COL5A2: variants seen among roughly 807,000 people sequenced by gnomAD.
COL5A2 encodes collagen type V alpha 2 chain, also known as collagen alpha-2(V) chain.
COL5A2 carries 23 observed loss-of-function variants against 208.2 expected under a neutral mutation model. The ratio of observed to expected loss-of-function variants is 0.11; its 90% CI spans 0.08 to 0.16. The LOEUF (loss-of-function observed/expected upper bound fraction) is 0.16. COL5A2 is among the 10% of genes least tolerant of loss of function. COL5A2 has a pLI of 1.00. For synonymous variants in COL5A2, 625 were observed against 628.5 expected (o/e 0.99, Z 0.08); for missense variants, 1,590 against 1,956.4 (o/e 0.81, Z 3.53).
intron 53 of COL5A2, 121 bp from the exon 54 acceptor site, chr2:189,034,337 A>G: frequency 2.9e-6 from 3 of 1,021,998 alleles, no homozygotes; most frequent in Non-Finnish European, 4.4e-6. Flanking sequence ...ACTACTTAAA[A>G]AAAAGGAATG....
Position 189,032,493 on chromosome 2 carries a change from A to G in COL5A2, c.*1577T>C, listed in dbSNP as rs1467124640. ...AAATAGATCTAATATGGTCAAAGGA[A>G]TTTCACAAAACAAAAACCACTGACA... is the stretch of plus-strand genomic sequence containing the variant. On this transcript the variant is annotated 3_prime_UTR_variant, in exon 54 of 54. Transcript: ENST00000374866. 1.3e-5 allele frequency: 2 copies of G among 152,174 alleles called. No individual in the cohort carries two copies. The highest frequency in any genetic ancestry group is 4.8e-5 in the African/African-American group (2 of 41,444). 9.4% of individuals were successfully genotyped at this position (152,174 alleles called of 1,614,324 possible). A position where few individuals can be genotyped will look rare whatever the true frequency, so the allele number is the denominator to read the frequency against.
the COL5A2 span, among the ~76,000 whole-genome samples, chr2:189,245,581 T>C: frequency 6.7e-6 from 1 of 149,784 alleles, no homozygotes; most frequent in African/African-American, 2.5e-5. Flanking sequence ...GCCTCCCGGG[T>C]TCACGCCATT....
At chr2:189,092,897 G>C (rs1249076703) in intron 6 of COL5A2, among the ~76,000 whole-genome samples, 3 of 152,086 alleles carry the variant, frequency 2.0e-5, no homozygotes, top group Admixed American at 6.5e-5. Context: ...AGTTTGTAGA[G>C]ATTTTCTGTC....
the COL5A2 span, among the ~76,000 whole-genome samples, chr2:189,349,696 T>A: frequency 1.3e-5 from 2 of 152,170 alleles, no homozygotes; most frequent in African/African-American, 4.8e-5. Flanking sequence ...GTTGTTTAGG[T>A]CCAGGTAAAG....
At chr2:189,366,741 G>A in the COL5A2 span, among the ~76,000 whole-genome samples, 1 of 152,276 alleles carries the variant, frequency 6.6e-6, no homozygotes, top group African/African-American at 2.4e-5. Context: ...ACTGAAGAAG[G>A]GCCTCTTCCT....
At chr2:189,371,651 G>A in the COL5A2 span, among the ~76,000 whole-genome samples, 1 of 152,180 alleles carries the variant, frequency 6.6e-6, no homozygotes, top group African/African-American at 2.4e-5. Context: ...TGATGACTTG[G>A]GGTATCTGGC....
At chr2:189,384,507 T>C in the COL5A2 span, among the ~76,000 whole-genome samples, 14 of 152,140 alleles carry the variant, frequency 9.2e-5, no homozygotes, top group African/African-American at 3.4e-4. Context: ...TGATGATTAG[T>C]GATGATGAGC....
rs370759932 is a variant in COL5A2 at position 189,203,328 on chromosome 2, A to G, written c.-42+21820T>C. 3.9e-4 allele frequency among the ~76,000 whole-genome samples: 60 copies of G among 152,336 alleles called. 1 individual carries two copies. The highest frequency in any genetic ancestry group is 1.2e-3 in the African/African-American group (49 of 41,586). The stretch of plus-strand genomic sequence containing the variant: ...TAATCAACACACCCATCCCATAAAT[A>G]CAGGAGAAACTCTAGTGGAGTGGTA... On this transcript the variant is annotated intron_variant, in intron 1 of 10. Transcript: ENST00000649966.
At chr2:189,325,196 T>A in the COL5A2 span, among the ~76,000 whole-genome samples, 1 of 151,918 alleles carries the variant, frequency 6.6e-6, no homozygotes, top group East Asian at 1.9e-4. Context: ...GGGATAGCAT[T>A]AGGAGATATA....
At chr2:189,221,150 C>T (rs1689343831) in intron 1 of COL5A2, among the ~76,000 whole-genome samples, 1 of 152,160 alleles carries the variant, frequency 6.6e-6, no homozygotes, top group African/African-American at 2.4e-5. Context: ...AGCTGTTATA[C>T]TGGATCTCAA....
the COL5A2 span, among the ~76,000 whole-genome samples, chr2:189,381,262 A>G: frequency 1.3e-5 from 2 of 152,076 alleles, no homozygotes; most frequent in African/African-American, 4.8e-5. Flanking sequence ...GCTTTTAGGA[A>G]GACTATCTCT....
chr2:189,087,467 T>A (rs1311326411), intron 8 of COL5A2, among the ~76,000 whole-genome samples: 1 of 151,926 alleles, frequency 6.6e-6, no homozygotes, highest in Non-Finnish European at 1.5e-5. Flanking sequence ...AATTTATTCT[T>A]TTTGGATTTT....
chr2:189,080,958 T>A (rs1686520399), intron 13 of COL5A2, 32 bp downstream of exon 13: 1 of 1,578,262 alleles, frequency 6.3e-7, no homozygotes, highest in African/African-American at 1.3e-5. Context: ...TAAACCACAG[T>A]ATCTGAGAGG....
chr2:189,378,586 T>C, the COL5A2 span, among the ~76,000 whole-genome samples: 3 of 152,012 alleles, frequency 2.0e-5, no homozygotes, highest in Non-Finnish European at 1.5e-5. Context: ...TAGCCGGGCA[T>C]GGTGGTGGGT....
At position 189,068,237 on chromosome 2, in the gene COL5A2, T is replaced by C; in HGVS notation, c.1291A>G (p.Lys431Glu). The C allele has an allele frequency of 1.9e-6, 3 of 1,613,980 alleles. No homozygotes were observed. The highest frequency in any genetic ancestry group is 2.5e-6 in the Non-Finnish European group (3 of 1,179,852). Reference sequence around the variant, plus strand: ...AATGCAGTACTCACCGTTGGGCCTTTGGCACCAGGAGTACCATCAGTTCCT... The same window carrying C: ...AATGCAGTACTCACCGTTGGGCCTTCGGCACCAGGAGTACCATCAGTTCCT... ...AIGTDGTPGA[K>E]GPTGSPGTSG... Residue 431 changes from lysine (K) to glutamate (E), a missense_variant, in exon 20 of 54, where the codon AAA (lysine) becomes GAA (glutamate). Physicochemically the swap from Lys to Glu is moderately conservative, Grantham distance 56. Coordinates refer to ENST00000374866, the MANE Select transcript of COL5A2 (RefSeq NM_000393.5).
At position 189,052,644 on chromosome 2, in the gene COL5A2, A is replaced by G. The variant is rs1685815462; in HGVS notation, c.2715+105T>C. 2.7e-6 allele frequency: 3 copies of G among 1,102,918 alleles called. No individual in the cohort carries two copies. The African/African-American group carries it at 4.6e-5, about 17-fold the overall frequency. 68.3% of individuals were successfully genotyped at this position (1,102,918 alleles called of 1,614,324 possible). The stretch of plus-strand genomic sequence containing the variant: ...TATAGTACAGTTGATACAGGTAATA[A>G]TTTGTTATTTCAGTCTCAGATGAAA... On this transcript the variant is annotated intron_variant, in intron 40 of 53. Coordinates refer to ENST00000374866, the MANE Select transcript of COL5A2 (RefSeq NM_000393.5).
the COL5A2 span, among the ~76,000 whole-genome samples, chr2:189,297,801 C>T: frequency 4.6e-5 from 7 of 152,144 alleles, no homozygotes; most frequent in Non-Finnish European, 1.0e-4. Flanking sequence ...ATCTGCCAAA[C>T]CAATGAAAGA....
At chr2:189,114,627 G>T (rs1337752900) in intron 1 of COL5A2, among the ~76,000 whole-genome samples, 1 of 129,964 alleles carries the variant, frequency 7.7e-6, no homozygotes. Flanking sequence ...CAAGGCCCAG[G>T]ACTTAAAAAA....
At position 189,053,466 on chromosome 2, in the gene COL5A2, A is replaced by G. The variant is rs1192759045; in HGVS notation, c.2511T>C (p.Gly837=). Residue 837 remains glycine (G), a synonymous_variant, in exon 38 of 54, where the codon GGT becomes GGC. Transcript: ENST00000374866. ...PGSRGNPGSR[G]ENGPTGAVGF... Reference sequence around the variant, plus strand: ...CAACAGCTCCAGTTGGCCCATTTTCACCTCGAGAACCCTAGGAGGAGACAA... The same window carrying G: ...CAACAGCTCCAGTTGGCCCATTTTCGCCTCGAGAACCCTAGGAGGAGACAA... The G allele has an allele frequency of 1.9e-6, 3 of 1,613,666 alleles. No homozygotes were observed. The highest frequency in any genetic ancestry group is 2.5e-6 in the Non-Finnish European group (3 of 1,179,762).
Sources: gnomAD v4.1 joint callset for allele counts (sites outside exome capture counted in the v4.1 genomes callset) on GRCh38, gnomAD v4.1.1 for gene constraint, MANE v1.5 for transcripts, NCBI Gene and HGNC (gene_info 2026-07-23, HGNC 2026-07-21) for gene names.